CHN2: variants seen among roughly 807,000 people sequenced by gnomAD.
CHN2 encodes the protein chimerin 2.
Under a neutral mutation model 56.3 loss-of-function variants are expected in CHN2, and 35 were observed. The observed-to-expected ratio is 0.62, with a 90% CI of 0.47 to 0.82. The LOEUF (loss-of-function observed/expected upper bound fraction) is 0.82, where lower values mean the gene tolerates loss of function less well. Among genes scored for constraint, CHN2 ranks in the 40% least tolerant of loss-of-function variants. The pLI is 0.00. For synonymous variants in CHN2, 210 were observed against 212.8 expected (o/e 0.99, Z 0.12); for missense variants, 491 against 580.5 (o/e 0.85, Z 1.58).
chr7:29,205,790 C>T (rs756901427), intron 1 of CHN2, among the ~76,000 whole-genome samples: 1 of 152,100 alleles, frequency 6.6e-6, no homozygotes, highest in Non-Finnish European at 1.5e-5. Context: ...TTATACTTTC[C>T]CATCTAGAGG....
intron 6 of CHN2, among the ~76,000 whole-genome samples, chr7:29,412,381 G>A (rs1188095795): frequency 7.4e-6 from 1 of 134,366 alleles, no homozygotes; most frequent in African/African-American, 2.9e-5. Flanking sequence ...TTCCAGGCTG[G>A]AGTGCAGTGG....
intron 2 of CHN2, among the ~76,000 whole-genome samples, chr7:29,147,859 C>A (rs911158135): frequency 3.3e-5 from 5 of 152,198 alleles, no homozygotes; most frequent in African/African-American, 1.2e-4. Context: ...TACCTTCCTA[C>A]CTAGACAAAT....
At position 29,354,565 on chromosome 7, in the gene CHN2, A is replaced by G. The variant is rs970331300; in HGVS notation, c.50-60A>G. The G allele has an allele frequency of 1.5e-4, 223 of 1,457,182 alleles. 1 individual carries two copies. Among genetic ancestry groups the G allele is most frequent in the Admixed American group, 2.7e-4 (16 of 59,106 alleles). 90.3% of individuals were successfully genotyped at this position (1,457,182 alleles called of 1,614,324 possible). A position where few individuals can be genotyped will look rare whatever the true frequency, so the allele number is the denominator to read the frequency against. On this transcript the variant is annotated intron_variant, in intron 1 of 12. Coordinates refer to ENST00000222792, the MANE Select transcript of CHN2 (RefSeq NM_004067.4). ...AGACTGTTGTTCCTCCAGAGAAGAC[A>G]CATGTTGACAGCTTGACGTTCAGGC...
At chr7:29,328,311 G>A (rs1459761170) in intron 1 of CHN2, among the ~76,000 whole-genome samples, 1 of 152,166 alleles carries the variant, frequency 6.6e-6, no homozygotes, top group African/African-American at 2.4e-5. Flanking sequence ...CAAGAGTACA[G>A]GCTAGTTCAT....
intron 1 of CHN2, among the ~76,000 whole-genome samples, chr7:29,197,463 G>A (rs1783828149): frequency 6.6e-6 from 1 of 152,202 alleles, no homozygotes; most frequent in Admixed American, 6.5e-5. Context: ...AGAGTGTCTT[G>A]GGGATTGAAT....
chr7:29,400,582 C>T lies in CHN2; in HGVS notation c.330C>T (p.Asp110=), dbSNP rs139046995. ...CCTTAAACTACAGGCTCTTCCACGA[C>T]GGGAAACACTTTGTGGGTGAGAAGA... ...NQTLNYRLFH[D]GKHFVGEKRF... Residue 110 remains aspartate (D), a synonymous_variant, in exon 6 of 13, where the codon GAC becomes GAT. Coordinates refer to ENST00000222792, the MANE Select transcript of CHN2 (RefSeq NM_004067.4). The T allele has an allele frequency of 2.3e-5, 37 of 1,614,002 alleles. No individual in the cohort carries two copies. The highest frequency in any genetic ancestry group is 1.6e-4 in the South Asian group (15 of 91,086).
chr7:29,492,148 T>G lies in CHN2; in HGVS notation c.655-3804T>G, dbSNP rs1279350408. ...ATGATAATTAGCTGGGTGTAAAAGT[T>G]AGGTTGGCAGTATTTTTGTCAGAGC... On this transcript the variant is annotated intron_variant, in intron 7 of 12. Transcript: ENST00000222792. Among the ~76,000 whole-genome samples the G allele has an allele frequency of 4.6e-5, 7 of 152,228 alleles. No homozygotes were observed. The East Asian group carries it at 1.2e-3, about 25-fold the overall frequency.
chr7:29,400,404 G>T, intron 5 of CHN2, 139 bp from the exon 6 acceptor site: 2 of 800,978 alleles, frequency 2.5e-6, no homozygotes, highest in East Asian at 2.6e-5. Context: ...TGAGCGTTAG[G>T]GGAAAAAAAA....
rs574392162 is a variant in CHN2 at position 29,335,292 on chromosome 7, G to T, written c.50-19333G>T. Reference sequence around the variant, plus strand: ...AGAACCAATTCCTGAAAAGCCAAAGGTTGCATATGAAAACCTAAAAACAGC... The same window carrying T: ...AGAACCAATTCCTGAAAAGCCAAAGTTTGCATATGAAAACCTAAAAACAGC... On this transcript the variant is annotated intron_variant, in intron 1 of 12. Coordinates refer to ENST00000222792, the MANE Select transcript of CHN2 (RefSeq NM_004067.4). Among the ~76,000 whole-genome samples the T allele has an allele frequency of 2.0e-5, 3 of 152,314 alleles. No individual in the cohort carries two copies. In the East Asian group the frequency reaches 5.8e-4, roughly 29 times the overall value.
intron 1 of CHN2, among the ~76,000 whole-genome samples, chr7:29,203,138 C>A (rs1039146255): frequency 6.6e-6 from 1 of 152,120 alleles, no homozygotes; most frequent in Non-Finnish European, 1.5e-5. Context: ...TGACTCATAA[C>A]CTTTGAAATA....
chr7:29,258,679 A>C (rs912504418), intron 1 of CHN2, among the ~76,000 whole-genome samples: 7 of 152,188 alleles, frequency 4.6e-5, no homozygotes, highest in Non-Finnish European at 1.0e-4. Flanking sequence ...TCCTTCTATA[A>C]ATATGCCTGC....
intron 3 of CHN2, among the ~76,000 whole-genome samples, chr7:29,388,903 A>G (rs530394641): frequency 6.6e-6 from 1 of 152,334 alleles, no homozygotes; most frequent in South Asian, 2.1e-4. Context: ...TCACAGTGCT[A>G]ACAATTTAAT....
chr7:29,410,211 AGT>A (rs1391593313), intron 6 of CHN2, among the ~76,000 whole-genome samples: 1 of 152,182 alleles, frequency 6.6e-6, no homozygotes. Flanking sequence ...AAAACAGGGT[AGT>A]GTCTTGTTTA....
At chr7:29,420,389 G>A (rs1166113765) in intron 6 of CHN2, among the ~76,000 whole-genome samples, 1 of 152,212 alleles carries the variant, frequency 6.6e-6, no homozygotes, top group Non-Finnish European at 1.5e-5. Flanking sequence ...ATGGATGGAT[G>A]AATGAATAAA....
chr7:29,312,444 G>A (rs1249974986), intron 1 of CHN2, among the ~76,000 whole-genome samples: 1 of 152,140 alleles, frequency 6.6e-6, no homozygotes, highest in Middle Eastern at 3.2e-3. Context: ...GAATTAATCT[G>A]ACCAAAGTGT....
intron 6 of CHN2, among the ~76,000 whole-genome samples, chr7:29,427,854 A>G (rs1191102475): frequency 6.6e-6 from 1 of 151,750 alleles, no homozygotes; most frequent in East Asian, 1.9e-4. Flanking sequence ...ACAGGGTTTC[A>G]CCGTGTTGGC....
intron 1 of CHN2, among the ~76,000 whole-genome samples, chr7:29,199,135 T>C (rs1482321831): frequency 6.6e-6 from 1 of 152,236 alleles, no homozygotes; most frequent in African/African-American, 2.4e-5. Flanking sequence ...TGTTTTCTGC[T>C]ATCACACTGA....
intron 9 of CHN2, among the ~76,000 whole-genome samples, chr7:29,500,339 C>A (rs977724008): frequency 1.3e-5 from 2 of 152,166 alleles, no homozygotes; most frequent in African/African-American, 4.8e-5. Context: ...GAAATTCATA[C>A]TTCAGCTGGG....
chr7:29,155,471 T>C (rs1794231217), intron 2 of CHN2, among the ~76,000 whole-genome samples: 1 of 152,222 alleles, frequency 6.6e-6, no homozygotes, highest in Non-Finnish European at 1.5e-5. Context: ...GTAGATATTA[T>C]ATTCTCCATT....
Sources: allele counts gnomAD v4.1 joint callset (sites outside exome capture counted in the v4.1 genomes callset), GRCh38; gene constraint gnomAD v4.1.1; transcripts MANE v1.5; gene names NCBI Gene and HGNC (gene_info 2026-07-23, HGNC 2026-07-21).